USP24: variants seen among roughly 807,000 people sequenced by gnomAD.
USP24 encodes ubiquitin carboxyl-terminal hydrolase 24.
In USP24, 97 loss-of-function variants were observed where a neutral mutation model predicts 361.6. The ratio of observed to expected loss-of-function variants is 0.27; its 90% CI spans 0.23 to 0.32. USP24 has a LOEUF of 0.32. USP24 is among the 10% of genes least tolerant of loss of function. The pLI, the probability that USP24 is intolerant of heterozygous loss-of-function variation, is 1.00. For missense variants in USP24, 2,353 were observed against 3,165.6 expected (o/e 0.74, Z 6.16); for synonymous variants, 1,098 against 1,124.6 (o/e 0.98, Z 0.47).
chr1:55,097,458 C>T lies in USP24; in HGVS notation c.5715+140G>A, dbSNP rs1356884681. 10 of 1,295,834 alleles carry T rather than the reference C, an allele frequency of 7.7e-6. No individual in the cohort carries two copies. The East Asian group carries it at 2.5e-4, about 33-fold the overall frequency. 80.3% of individuals were successfully genotyped at this position (1,295,834 alleles called of 1,614,324 possible). A position where few individuals can be genotyped will look rare whatever the true frequency, so the allele number is the denominator to read the frequency against. On this transcript the variant is annotated intron_variant, in intron 48 of 67. Coordinates refer to ENST00000294383, the MANE Select transcript of USP24 (RefSeq NM_015306.3). ...CTGCCTATTCCGGTAACAGCAGCTG[C>T]CTAAGATAAGGGGCTCTTCATAATG...
At chr1:55,162,320 A>T in intron 7 of USP24, 56 bp from the exon 8 acceptor site, 1 of 1,421,372 alleles carries the variant, frequency 7.0e-7, no homozygotes, top group South Asian at 1.5e-5. Context: ...TTTCCTGTCA[A>T]AATTAAACAA....
chr1:55,197,866 A>G (rs1644461708), intron 1 of USP24, among the ~76,000 whole-genome samples: 2 of 152,196 alleles, frequency 1.3e-5, no homozygotes, highest in African/African-American at 4.8e-5. Flanking sequence ...CCTGACCACA[A>G]TTAGATGGGA....
chr1:55,152,004 A>G, intron 16 of USP24: 9 of 985,578 alleles, frequency 9.1e-6, no homozygotes, highest in Non-Finnish European at 1.1e-5. Flanking sequence ...GCATAGAAAA[A>G]CACCTTTAGT....
rs115103812 is a variant in USP24 at position 55,134,495 on chromosome 1, T to C, written c.3202-82A>G. 126 of 1,257,870 alleles carry C rather than the reference T, an allele frequency of 1.0e-4. 1 individual carries two copies. The African/African-American group carries it at 1.6e-3, about 16-fold the overall frequency. 77.9% of individuals were successfully genotyped at this position (1,257,870 alleles called of 1,614,324 possible). On this transcript the variant is annotated intron_variant, in intron 28 of 67. Coordinates refer to ENST00000294383, the MANE Select transcript of USP24 (RefSeq NM_015306.3). ...TAATCAAACTTACAAACAATAAAAA[T>C]ACTAGTTCTGAAAGGCTGGCTGGTC...
In USP24 at chr1:55,166,054, C is replaced by T. The variant is rs1293411184; in HGVS notation, c.862-104G>A. 5 of 984,494 alleles carry T rather than the reference C, an allele frequency of 5.1e-6. No individual in the cohort carries two copies. The South Asian group carries it at 6.9e-5, about 14-fold the overall frequency. The allele number at this position is 984,494 out of a possible 1,614,324, so 61.0% of individuals were successfully genotyped here. A position where few individuals can be genotyped will look rare whatever the true frequency, so the allele number is the denominator to read the frequency against. On this transcript the variant is annotated intron_variant, in intron 6 of 67. Coordinates refer to ENST00000294383, the MANE Select transcript of USP24 (RefSeq NM_015306.3). ...TAGGTGTATATGTTTATGGGGCACA[C>T]GAGATGTTTTGATACAGGCATACAA...
Position 55,137,625 on chromosome 1 carries a change from T to C in USP24, c.3091A>G (p.Thr1031Ala), listed in dbSNP as rs1646775097. 3 of 1,613,226 alleles carry C rather than the reference T, an allele frequency of 1.9e-6. No homozygotes were observed. Among genetic ancestry groups the C allele is most frequent in the African/African-American group, 1.3e-5 (1 of 74,904 alleles). ...QLGFSDEQIL[T>A]VKTSGSGTPS... ...GTCCCACTGCCAGAAGTCTTCACTG[T>C]AAGGATTTGTTCATCAGAAAAGCCC... is the stretch of plus-strand genomic sequence containing the variant. The change falls in exon 28 of 68, where the codon ACA becomes GCA. Residue 1031 changes from threonine (T) to alanine (A), a missense_variant. Thr to Ala is a moderately conservative substitution (Grantham distance 58). Around this residue, in one of 8 missense-constraint regions of USP24, gnomAD observed 949 missense variants for 1,280.5 expected, o/e 0.74. Transcript: ENST00000294383.
rs549700986 is a variant in USP24, at chr1:55,148,954, G to A, written c.1861-384C>T. 2.0e-3 allele frequency among the ~76,000 whole-genome samples: 311 copies of A among 152,212 alleles called. 2 individuals carry two copies. Among genetic ancestry groups the A allele is most frequent in the African/African-American group, 7.2e-3 (297 of 41,538 alleles). On this transcript the variant is annotated intron_variant, in intron 16 of 67. Coordinates refer to ENST00000294383, the MANE Select transcript of USP24 (RefSeq NM_015306.3). ...TAACTTGGATAACACTGAACTGCAT[G>A]GTAAGTAAAATGGAGTAAGAATATT...
chr1:55,117,811 A>G (rs1044371695), intron 38 of USP24, among the ~76,000 whole-genome samples: 1 of 151,822 alleles, frequency 6.6e-6, no homozygotes, highest in African/African-American at 2.4e-5. Flanking sequence ...GTTGCAGCAT[A>G]CAGAATCAAC....
At chr1:55,208,083 C>T (rs1644756506) in intron 1 of USP24, among the ~76,000 whole-genome samples, 1 of 152,174 alleles carries the variant, frequency 6.6e-6, no homozygotes, top group African/African-American at 2.4e-5. Flanking sequence ...CTTGTGTTAG[C>T]TCTTCAGAGA....
chr1:55,107,858 A>AAAAC (rs1645830732), intron 39 of USP24, among the ~76,000 whole-genome samples: 2 of 149,664 alleles, frequency 1.3e-5, no homozygotes, highest in East Asian at 3.9e-4. Context: ...AAAAAAAAAA[A>AAAAC]AAAAAAAACA....
intron 34 of USP24, 136 bp from the exon 35 acceptor site, chr1:55,124,764 G>A: frequency 1.1e-6 from 1 of 888,158 alleles, no homozygotes; most frequent in East Asian, 2.7e-5. Context: ...CCTTTCTCAA[G>A]CTGCCATCCT....
At chr1:55,188,476 CA>C (rs35265045) in intron 1 of USP24, among the ~76,000 whole-genome samples, 108 of 142,258 alleles carry the variant, frequency 7.6e-4, no homozygotes, top group East Asian at 1.6e-3. Context: ...ATATAGAATA[CA>C]AAAAAAAAAC....
intron 45 of USP24, among the ~76,000 whole-genome samples, chr1:55,099,539 C>A (rs987912926): frequency 6.6e-6 from 1 of 151,114 alleles, no homozygotes; most frequent in Non-Finnish European, 1.5e-5. Flanking sequence ...CTCTGGGTGA[C>A]AGAGCGAGAC....
intron 39 of USP24, among the ~76,000 whole-genome samples, chr1:55,108,316 A>C (rs1645849576): frequency 2.0e-5 from 3 of 152,162 alleles, no homozygotes; most frequent in Admixed American, 6.5e-5. Context: ...TCATATTGGA[A>C]GTTGAGACTT....
intron 38 of USP24, 53 bp from the exon 39 acceptor site, chr1:55,110,299 A>C: frequency 1.4e-6 from 2 of 1,427,434 alleles, no homozygotes; most frequent in Non-Finnish European, 9.4e-7. Context: ...TGAAAATAAA[A>C]AGCATTTTCC....
rs1479098979 is a variant in USP24 at position 55,072,807 on chromosome 1, A to G, written c.7581T>C (p.Ala2527=). 1.2e-6 allele frequency: 2 copies of G among 1,606,638 alleles called. No homozygotes were observed. Among genetic ancestry groups the G allele is most frequent in the Non-Finnish European group, 1.7e-6 (2 of 1,176,450 alleles). The change falls in exon 65 of 68, where the codon GCT becomes GCC. Residue 2527 remains alanine, a synonymous_variant. Coordinates refer to ENST00000294383, the MANE Select transcript of USP24 (RefSeq NM_015306.3). ...TTACCTTCTTCTGTAGCCACTGCACAGCCCAGCTCCAGTGGTGGGAATTCT... is the reference window on the plus strand; with the variant it reads ...TTACCTTCTTCTGTAGCCACTGCACGGCCCAGCTCCAGTGGTGGGAATTCT... The part of the protein sequence containing the change: ...FKENSHHWSW[A]VQWLQKKMSE...
intron 1 of USP24, among the ~76,000 whole-genome samples, chr1:55,182,982 G>C (rs569341287): frequency 5.3e-5 from 8 of 152,164 alleles, no homozygotes; most frequent in Non-Finnish European, 1.2e-4. Context: ...GCCTCCCAAA[G>C]TGCTGGGATT....
At chr1:55,155,354 T>C (rs1647530490) in intron 12 of USP24, among the ~76,000 whole-genome samples, 2 of 152,200 alleles carry the variant, frequency 1.3e-5, no homozygotes, top group Admixed American at 1.3e-4. Flanking sequence ...CTGTTCATCA[T>C]GTGAGATGTG....
rs146893953 is a variant in USP24 at position 55,092,679 on chromosome 1, C to T, written c.6450+142G>A. 312 of 609,852 alleles carry T rather than the reference C, an allele frequency of 5.1e-4. 1 individual carries two copies. The highest frequency in any genetic ancestry group is 4.1e-3 in the African/African-American group (207 of 50,740). The allele number at this position is 609,852 out of a possible 1,614,324, so 37.8% of individuals were successfully genotyped here. A position where few individuals can be genotyped will look rare whatever the true frequency, so the allele number is the denominator to read the frequency against. On this transcript the variant is annotated intron_variant, in intron 53 of 67. Transcript: ENST00000294383. The stretch of plus-strand genomic sequence containing the variant: ...GCTTGCATTTTAATATTACCCAATA[C>T]GGGCTACATTCACGGGAAAACCTTT...
Sources: gnomAD v4.1 joint callset for allele counts (sites outside exome capture counted in the v4.1 genomes callset) on GRCh38, gnomAD v4.1.1 for gene constraint, gnomAD v4.1.1 regional missense constraint, MANE v1.5 for transcripts, NCBI Gene and HGNC (gene_info 2026-07-23, HGNC 2026-07-21) for gene names.